PRDM10: variants seen among roughly 807,000 people sequenced by gnomAD.
The protein encoded by PRDM10 is PR domain zinc finger protein 10.
A neutral mutation model predicts 133.1 loss-of-function variants in PRDM10; 65 were observed. The observed-to-expected ratio is 0.49, with a 90% CI of 0.40 to 0.60. The LOEUF is 0.60. Among genes scored for constraint, PRDM10 ranks in the 20% least tolerant of loss-of-function variants. The pLI is 0.00. For synonymous variants in PRDM10, 582 were observed against 580.4 expected (o/e 1.00, Z -0.04); for missense variants, 1,137 against 1,507.1 (o/e 0.75, Z 4.07).
At chr11:129,908,480 T>G (rs1410507036) in intron 19 of PRDM10, among the ~76,000 whole-genome samples, 1 of 152,112 alleles carries the variant, frequency 6.6e-6, no homozygotes, top group Non-Finnish European at 1.5e-5. Context: ...TCAAATGTTC[T>G]TTTTCTTTTA....
chr11:129,980,269 C>T (rs1228301667), intron 1 of PRDM10, among the ~76,000 whole-genome samples: 1 of 152,238 alleles, frequency 6.6e-6, no homozygotes, highest in East Asian at 1.9e-4. Flanking sequence ...TGTTATTTAT[C>T]ATAGCCAAAA....
At chr11:129,986,398 T>A (rs932761712) in intron 1 of PRDM10, among the ~76,000 whole-genome samples, 7 of 151,972 alleles carry the variant, frequency 4.6e-5, no homozygotes, top group African/African-American at 1.2e-4. Flanking sequence ...TTGCTTTGGG[T>A]TTTTTTTCGA....
In PRDM10 at chr11:129,915,860, C is replaced by T. The variant is rs1250674561; in HGVS notation, c.2326G>A (p.Val776Ile). 6.2e-7 allele frequency: 1 copy of T among 1,613,036 alleles called. No homozygotes were observed. The highest frequency in any genetic ancestry group is 2.2e-5 in the East Asian group (1 of 44,850). ...RDYFCQYCDK[V>I]YKSASKRKAH... ...TTGCGCTTGCTGGCACTTTTATAAA[C>T]CTGCAAATGTAAGCGCCTTGCCATG... Residue 776 changes from valine (V) to isoleucine (I), a missense_variant and splice_region_variant, in exon 16 of 21, where the codon GTT (valine) becomes ATT (isoleucine). Coordinates refer to ENST00000360871, the MANE Select transcript of PRDM10 (RefSeq NM_199437.2).
chr11:129,933,983 C>T (rs368854996), intron 9 of PRDM10, among the ~76,000 whole-genome samples: 172 of 152,326 alleles, frequency 1.1e-3, no homozygotes, highest in African/African-American at 3.9e-3. Context: ...TCAATCCTTC[C>T]GGTGCTTTCG....
At chr11:129,903,224 G>A (rs1181011753) in intron 20 of PRDM10, among the ~76,000 whole-genome samples, 1 of 151,570 alleles carries the variant, frequency 6.6e-6, no homozygotes, top group Non-Finnish European at 1.5e-5. Context: ...CTTGAACCTG[G>A]GAGGCAGAGG....
intron 20 of PRDM10, among the ~76,000 whole-genome samples, chr11:129,903,256 C>T (rs1239710109): frequency 6.6e-6 from 1 of 150,802 alleles, no homozygotes; most frequent in Non-Finnish European, 1.5e-5. Flanking sequence ...TGAGATCGTG[C>T]CATTGCACTC....
At chr11:129,999,662 T>C (rs766131806) in intron 1 of PRDM10, among the ~76,000 whole-genome samples, 15 of 152,174 alleles carry the variant, frequency 9.9e-5, no homozygotes, top group Non-Finnish European at 1.5e-4. Flanking sequence ...GTGCTTAAAA[T>C]GAAAAATTGA....
chr11:129,969,569 G>A (rs562982602), intron 1 of PRDM10, among the ~76,000 whole-genome samples: 219 of 151,926 alleles, frequency 1.4e-3, no homozygotes, highest in Admixed American at 2.4e-3. Context: ...CAAGGTGGGC[G>A]GATCACTTGA....
chr11:129,942,442 G>C lies in PRDM10; in HGVS notation c.950C>G (p.Pro317Arg). 1 of 1,613,920 alleles carries C rather than the reference G, an allele frequency of 6.2e-7. No individual in the cohort carries two copies. The change falls in exon 7 of 21, where the codon CCC becomes CGC. Residue 317 changes from proline (P) to arginine (R), a missense_variant. By Grantham distance (103) the Pro-to-Arg change is moderately radical. Transcript: ENST00000360871. ...VYYTTIKNVE[P>R]KQELKVWYAA... ...GCACTGTACCTTCAGTTCCTGCTTGGGCTCCACATTTTTTATGGTTGTATA... is the reference window on the plus strand; with the variant it reads ...GCACTGTACCTTCAGTTCCTGCTTGCGCTCCACATTTTTTATGGTTGTATA...
At position 129,912,136 on chromosome 11, in the gene PRDM10, C is replaced by T. The variant is rs150831215; in HGVS notation, c.2931G>A (p.Val977=). The change falls in exon 18 of 21, where the codon GTG becomes GTA. Residue 977 remains valine (V), a synonymous_variant. Transcript: ENST00000360871. The part of the protein sequence containing the change: ...PQPYPQHAIQ[V]QHIQVSEPTA... ...TAGGCTCGCTGACCTGGATGTGCTG[C>T]ACCTGGATGGCGTGCTGGGGGTAGG... is the stretch of plus-strand genomic sequence containing the variant. 1.7e-5 allele frequency: 27 copies of T among 1,613,078 alleles called. No individual in the cohort carries two copies. Among genetic ancestry groups the T allele is most frequent in the Admixed American group, 5.0e-5 (3 of 59,924 alleles).
rs1411151964 is a variant in PRDM10 at position 129,901,311 on chromosome 11, C to T, written c.*1002G>A. The stretch of plus-strand genomic sequence containing the variant: ...TTCCTGTCCAACTTTAAAGAATGTT[C>T]ATTTTAAGACAGCATTAAAAGTAAT... On this transcript the variant is annotated 3_prime_UTR_variant, in exon 21 of 21. Transcript: ENST00000360871. The T allele has an allele frequency of 6.6e-6, 1 of 152,582 alleles. No homozygotes were observed. The highest frequency in any genetic ancestry group is 1.5e-5 in the Non-Finnish European group (1 of 68,024). 9.5% of individuals were successfully genotyped at this position (152,582 alleles called of 1,614,324 possible). A position where few individuals can be genotyped will look rare whatever the true frequency, so the allele number is the denominator to read the frequency against.
chr11:129,917,380 A>T (rs1950391175), intron 14 of PRDM10, 143 bp from the exon 15 acceptor site: 1 of 628,800 alleles, frequency 1.6e-6, no homozygotes, highest in Non-Finnish European at 2.7e-6. Flanking sequence ...GGCCAGAACC[A>T]GGATCACCAG....
rs1042591911 is a variant in PRDM10, at chr11:129,930,983, T to A, written c.1530+33A>T. ...TGGTGGTGGGAGGAAGATGAGCGGC[T>A]GGTGCCAGGAGCCGCCGGCTTTCCC... is the stretch of plus-strand genomic sequence containing the variant. On this transcript the variant is annotated intron_variant, in intron 11 of 20. Coordinates refer to ENST00000360871, the MANE Select transcript of PRDM10 (RefSeq NM_199437.2). 3 of 1,567,636 alleles carry A rather than the reference T, an allele frequency of 1.9e-6. No individual in the cohort carries two copies. The South Asian group carries it at 3.6e-5, about 19-fold the overall frequency.
At chr11:129,962,338 T>A (rs1444099982) in intron 1 of PRDM10, among the ~76,000 whole-genome samples, 2 of 152,216 alleles carry the variant, frequency 1.3e-5, no homozygotes, top group Non-Finnish European at 2.9e-5. Context: ...AGAAGGTACG[T>A]GAACTTCGAA....
intron 11 of PRDM10, among the ~76,000 whole-genome samples, chr11:129,930,497 C>T (rs1043796806): frequency 2.0e-5 from 3 of 152,190 alleles, no homozygotes; most frequent in African/African-American, 4.8e-5. Context: ...GAACTGACAG[C>T]TTTGGCTCAA....
At chr11:129,989,695 C>G (rs890700567) in intron 1 of PRDM10, among the ~76,000 whole-genome samples, 2 of 152,136 alleles carry the variant, frequency 1.3e-5, no homozygotes, top group Non-Finnish European at 2.9e-5. Context: ...GCTGTTTCCT[C>G]AATAAACCCA....
At chr11:129,922,318 C>T (rs559078965) in intron 13 of PRDM10, among the ~76,000 whole-genome samples, 8 of 152,196 alleles carry the variant, frequency 5.3e-5, no homozygotes, top group African/African-American at 1.4e-4. Context: ...CAAACAGTAT[C>T]GCAAAACAGG....
At chr11:129,916,244 A>C (rs1419121472) in intron 15 of PRDM10, among the ~76,000 whole-genome samples, 1 of 152,236 alleles carries the variant, frequency 6.6e-6, no homozygotes, top group Non-Finnish European at 1.5e-5. Context: ...GCTGAAGACC[A>C]GGAGCCAGAG....
chr11:129,924,966 C>T lies in PRDM10; in HGVS notation c.1794G>A (p.Leu598=), dbSNP rs1397290269. ...FCPESFDRLD[L]LKDHVAIHIN... ...TATGAATGGCCACATGATCTTTCAA[C>T]AAATCAAGGCGGTCAAAGGATTCTG... Residue 598 remains leucine, a synonymous_variant, in exon 12 of 21, where the codon TTG becomes TTA. Transcript: ENST00000360871. 7.4e-6 allele frequency: 12 copies of T among 1,614,036 alleles called. No homozygotes were observed. The highest frequency in any genetic ancestry group is 1.0e-5 in the Non-Finnish European group (12 of 1,180,042).
Sources: gnomAD v4.1 joint callset for allele counts (sites outside exome capture counted in the v4.1 genomes callset) on GRCh38, gnomAD v4.1.1 for gene constraint, MANE v1.5 for transcripts, NCBI Gene and HGNC (gene_info 2026-07-23, HGNC 2026-07-21) for gene names.